NLGN4X: variants seen among roughly 807,000 people sequenced by gnomAD.
NLGN4X encodes the protein neuroligin-4, X-linked.
A neutral mutation model predicts 40.3 loss-of-function variants in NLGN4X; 3 were observed. The observed-to-expected ratio is 0.07, with a 90% CI of 0.03 to 0.19. The LOEUF (loss-of-function observed/expected upper bound fraction) is 0.19, where lower values mean the gene tolerates loss of function less well. Among genes scored for constraint, NLGN4X ranks in the 10% least tolerant of loss-of-function variants. The pLI is 1.00. For missense variants in NLGN4X, 382 were observed against 708.3 expected, an observed-to-expected ratio of 0.54 and a Z score of 5.23; for synonymous variants, 270 against 306.8, an observed-to-expected ratio of 0.88 and a Z score of 1.25.
At chrX:6,191,753 G>C (rs1922560994) in intron 1 of NLGN4X, among the ~76,000 whole-genome samples, 2 of 111,254 alleles carry the variant, frequency 1.8e-5, no homozygotes, top group South Asian at 7.6e-4. Flanking sequence ...CAGCTACTCG[G>C]GAGGCTGAGG....
chrX:6,108,425 G>A (rs889319067), intron 2 of NLGN4X, among the ~76,000 whole-genome samples: 5 of 110,814 alleles, frequency 4.5e-5, no homozygotes, highest in African/African-American at 1.6e-4. Context: ...AGCACTTTAG[G>A]AGGCCGAGGT....
At chrX:5,972,761 C>T (rs866370982) in intron 3 of NLGN4X, among the ~76,000 whole-genome samples, 2 of 243 alleles carry the variant, frequency 8.2e-3, no homozygotes, top group Admixed American at 0.048. Flanking sequence ...AGGTGGGGGG[C>T]GGGGGCGGGG....
At chrX:6,085,304 A>C (rs1254313821) in intron 2 of NLGN4X, among the ~76,000 whole-genome samples, 1 of 111,597 alleles carries the variant, frequency 9.0e-6, no homozygotes, top group Non-Finnish European at 1.9e-5. Flanking sequence ...CAGAGTTTTC[A>C]GTATTCAGAG....
chrX:5,906,248 G>C (rs1174815541), intron 4 of NLGN4X, among the ~76,000 whole-genome samples: 1 of 111,814 alleles, frequency 8.9e-6, no homozygotes, highest in Non-Finnish European at 1.9e-5. Flanking sequence ...TTCACTTATC[G>C]TGTTTTTGAA....
In NLGN4X at chrX:6,032,743, G is replaced by C. The variant is rs181486066; in HGVS notation, c.473-3311C>G. On this transcript the variant is annotated intron_variant, in intron 2 of 5. Transcript: ENST00000381095. ...TTATATCATCTGCGTTTTTCTTTGT[G>C]TTGGCTCCTGGGGTCATATTGAGAA... 7,689 of 1,168,950 alleles carry C rather than the reference G, an allele frequency of 6.6e-3. 24 individuals are homozygous for C. Among genetic ancestry groups the C allele is most frequent in the Non-Finnish European group, 7.9e-3 (6,854 of 868,545 alleles).
In NLGN4X at chrX:6,214,996, C is replaced by T. The variant is rs749624811; in HGVS notation, c.-306+13545G>A. Among the ~76,000 whole-genome samples the T allele has an allele frequency of 4.5e-5, 5 of 111,888 alleles. No individual in the cohort carries two copies. In the Admixed American group the frequency reaches 4.7e-4, roughly 11 times the overall value. Reference sequence around the variant, plus strand: ...CTCATAAAACAAAATGAGTTCCCACCAACAAGTTCAGCTTTTAATGTGGGA... The same window carrying T: ...CTCATAAAACAAAATGAGTTCCCACTAACAAGTTCAGCTTTTAATGTGGGA... On this transcript the variant is annotated intron_variant, in intron 1 of 5. Coordinates refer to ENST00000381095, the MANE Select transcript of NLGN4X (RefSeq NM_181332.3).
chrX:6,056,475 CAA>C (rs1235182311), intron 2 of NLGN4X, among the ~76,000 whole-genome samples: 2 of 92,549 alleles, frequency 2.2e-5, no homozygotes. Flanking sequence ...GATTCCATCT[CAA>C]AAAAAAAAAA....
intron 3 of NLGN4X, among the ~76,000 whole-genome samples, chrX:5,924,565 T>A (rs1039222821): frequency 1.8e-5 from 2 of 111,849 alleles, no homozygotes; most frequent in Non-Finnish European, 3.8e-5. Context: ...AACACACACA[T>A]TATTTTAAAA....
intron 2 of NLGN4X, among the ~76,000 whole-genome samples, chrX:6,048,267 A>AT (rs1490247974): frequency 9.0e-6 from 1 of 111,634 alleles, no homozygotes; most frequent in African/African-American, 3.3e-5. Flanking sequence ...TTGAAAAGGT[A>AT]TTTTTAGAGA....
chrX:5,936,942 T>C (rs2146888289), intron 3 of NLGN4X, among the ~76,000 whole-genome samples: 1 of 111,805 alleles, frequency 8.9e-6, no homozygotes, highest in East Asian at 2.8e-4. Context: ...CAAAAGGTAG[T>C]CAGCAAAAGG....
intron 3 of NLGN4X, among the ~76,000 whole-genome samples, chrX:5,989,255 T>C (rs2035617268): frequency 9.0e-6 from 1 of 111,344 alleles, no homozygotes; most frequent in African/African-American, 3.3e-5. Context: ...GATTAAGACT[T>C]GCCTCAGCAA....
At chrX:6,028,283 C>A (rs989850447) in intron 3 of NLGN4X, among the ~76,000 whole-genome samples, 8 of 111,823 alleles carry the variant, frequency 7.2e-5, no homozygotes, top group African/African-American at 2.6e-4. Flanking sequence ...TATTCACAAA[C>A]TAACCAACAC....
chrX:6,175,117 A>T (rs2040696946), intron 1 of NLGN4X, among the ~76,000 whole-genome samples: 1 of 111,532 alleles, frequency 9.0e-6, no homozygotes, highest in Admixed American at 9.6e-5. Context: ...TCCATTGGCT[A>T]ATACAACATT....
At chrX:6,080,938 A>G (rs2038331598) in intron 2 of NLGN4X, among the ~76,000 whole-genome samples, 1 of 109,964 alleles carries the variant, frequency 9.1e-6, no homozygotes, top group Non-Finnish European at 1.9e-5. Flanking sequence ...GGCTCAGGCA[A>G]TCCTTCTGCT....
intron 1 of NLGN4X, among the ~76,000 whole-genome samples, chrX:6,161,088 AG>A (rs1319516234): frequency 1.1e-5 from 1 of 89,563 alleles, no homozygotes; most frequent in East Asian, 3.4e-4. Flanking sequence ...TATATAATAT[AG>A]GATATAAAAT....
chrX:6,110,748 T>C (rs1413746272), intron 2 of NLGN4X, among the ~76,000 whole-genome samples: 4 of 112,033 alleles, frequency 3.6e-5, no homozygotes, highest in East Asian at 2.8e-4. Context: ...ACAGCTTCTA[T>C]GTACTTTGAG....
intron 1 of NLGN4X, among the ~76,000 whole-genome samples, chrX:6,212,314 G>A (rs1394083103): frequency 9.2e-6 from 1 of 108,853 alleles, no homozygotes; most frequent in African/African-American, 3.4e-5. Context: ...AATAGATCCA[G>A]TTACATGAAT....
At chrX:5,996,937 G>A (rs2035836156) in intron 3 of NLGN4X, among the ~76,000 whole-genome samples, 1 of 111,155 alleles carries the variant, frequency 9.0e-6, no homozygotes, top group African/African-American at 3.3e-5. Flanking sequence ...TAGAAGTATG[G>A]AGAACATGGC....
chrX:6,163,531 C>T (rs1043245103), intron 1 of NLGN4X, among the ~76,000 whole-genome samples: 5 of 111,994 alleles, frequency 4.5e-5, no homozygotes, highest in Non-Finnish European at 7.5e-5. Flanking sequence ...TCAATTGCTA[C>T]CATGCAGCCA....
Sources: gnomAD v4.1 joint callset for allele counts (sites outside exome capture counted in the v4.1 genomes callset) on GRCh38, gnomAD v4.1.1 for gene constraint, MANE v1.5 for transcripts, NCBI Gene and HGNC (gene_info 2026-07-23, HGNC 2026-07-21) for gene names.